The following PMFBP1 variants were observed in gnomAD, a reference collection of about 807,000 sequenced individuals.
PMFBP1 encodes polyamine modulated factor 1 binding protein 1, also known as polyamine-modulated factor 1-binding protein 1.
A neutral mutation model predicts 137.8 loss-of-function variants in PMFBP1; 131 were observed. The ratio of observed to expected loss-of-function variants is 0.95; its 90% CI spans 0.82 to 1.10. The LOEUF is 1.10. Ranked by LOEUF, PMFBP1 falls within the 50% of genes least tolerant of loss-of-function variation. PMFBP1 has a pLI of 0.00. For synonymous variants in PMFBP1, 490 were observed against 450.4 expected (o/e 1.09, Z -1.11); for missense variants, 1,199 against 1,175.4 (o/e 1.02, Z -0.29).
At chr16:72,117,722 A>G, downstream of PMFBP1, among the ~76,000 whole-genome samples, 1 of 132,516 alleles carries the variant, frequency 7.5e-6, no homozygotes, top group East Asian at 2.1e-4. Flanking sequence ...AAAATTCATA[A>G]AAGAGTGTTG....
intron 18 of PMFBP1, 136 bp downstream of exon 18, chr16:72,123,410 T>C (rs1007890505): frequency 5.5e-6 from 4 of 721,788 alleles, no homozygotes; most frequent in African/African-American, 1.8e-5. Flanking sequence ...CTTATTTCCA[T>C]CCCTTGGGTG....
the PMFBP1 span, among the ~76,000 whole-genome samples, chr16:72,221,784 C>T: frequency 2.6e-5 from 4 of 152,204 alleles, no homozygotes; most frequent in Non-Finnish European, 4.4e-5. Flanking sequence ...CCTGATGATA[C>T]TTCATATGTC....
chr16:72,163,797 T>C (rs2144497381), intron 3 of PMFBP1, among the ~76,000 whole-genome samples: 1 of 152,332 alleles, frequency 6.6e-6, no homozygotes, highest in East Asian at 1.9e-4. Flanking sequence ...TGGAGACTAT[T>C]ATTCCAAGTG....
the PMFBP1 span, among the ~76,000 whole-genome samples, chr16:72,207,302 G>A: frequency 6.6e-6 from 1 of 152,172 alleles, no homozygotes; most frequent in Admixed American, 6.5e-5. Context: ...GAAAGGAAAA[G>A]CCACAGGGCT....
At chr16:72,155,603 C>T (rs1028574458) in intron 3 of PMFBP1, among the ~76,000 whole-genome samples, 1 of 152,222 alleles carries the variant, frequency 6.6e-6, no homozygotes, top group Non-Finnish European at 1.5e-5. Context: ...ATCTCATTGG[C>T]TCCCGAGGGG....
At chr16:72,217,175 A>C in the PMFBP1 span, among the ~76,000 whole-genome samples, 14,342 of 152,252 alleles carry the variant, frequency 0.094, 765 homozygotes, top group Non-Finnish European at 0.12. Context: ...AGAAGAGGGA[A>C]GGGTATGCTG....
At chr16:72,144,780 T>C (rs1362256594) in intron 5 of PMFBP1, among the ~76,000 whole-genome samples, 3 of 152,030 alleles carry the variant, frequency 2.0e-5, no homozygotes, top group Non-Finnish European at 4.4e-5. Flanking sequence ...AAAATTAAAA[T>C]CTTCTGGCAT....
upstream of PMFBP1, among the ~76,000 whole-genome samples, chr16:72,180,055 A>G (rs569560260): frequency 6.6e-6 from 1 of 152,330 alleles, no homozygotes; most frequent in Non-Finnish European, 1.5e-5. Context: ...CTGCAGCTCC[A>G]GTTTCTACAG....
Position 72,171,284 on chromosome 16 carries a change from T to A in PMFBP1, c.-60-16A>T. On this transcript the variant is annotated splice_polypyrimidine_tract_variant and intron_variant, in intron 1 of 20. Coordinates refer to ENST00000237353, the MANE Select transcript of PMFBP1 (RefSeq NM_031293.3). ...TGTTATAAACCTGAAAAAGTCCAAG[T>A]ATTTAAGATGGAAAAAGTATAAATG... 6.7e-7 allele frequency: 1 copy of A among 1,500,078 alleles called. No individual in the cohort carries two copies. Among genetic ancestry groups the A allele is most frequent in the Admixed American group, 1.7e-5 (1 of 58,254 alleles). 92.9% of individuals were successfully genotyped at this position (1,500,078 alleles called of 1,614,324 possible).
intron 13 of PMFBP1, 111 bp from the exon 14 acceptor site, chr16:72,128,905 G>C: frequency 6.6e-7 from 1 of 1,522,180 alleles, no homozygotes; most frequent in Non-Finnish European, 8.9e-7. Context: ...CCCTGCGGGA[G>C]CTCAGGCATT....
chr16:72,181,925 T>C, the PMFBP1 span, among the ~76,000 whole-genome samples: 1 of 152,204 alleles, frequency 6.6e-6, no homozygotes. Context: ...AGAATTGTCT[T>C]GGGCCGCATG....
intron 9 of PMFBP1, among the ~76,000 whole-genome samples, chr16:72,135,675 G>A (rs1433174612): frequency 6.6e-6 from 1 of 150,752 alleles, no homozygotes; most frequent in Non-Finnish European, 1.5e-5. Flanking sequence ...TTCTTTTAGG[G>A]CACAGCTCCA....
At chr16:72,212,764 C>T in the PMFBP1 span, among the ~76,000 whole-genome samples, 4 of 152,150 alleles carry the variant, frequency 2.6e-5, no homozygotes, top group South Asian at 6.2e-4. Flanking sequence ...AGCCTTAACT[C>T]GATTACATCA....
At chr16:72,184,194 C>T in the PMFBP1 span, among the ~76,000 whole-genome samples, 35 of 152,274 alleles carry the variant, frequency 2.3e-4, no homozygotes, top group Admixed American at 1.2e-3. Flanking sequence ...TTGTCCTCCC[C>T]ATTCTCACTC....
chr16:72,215,125 C>A, the PMFBP1 span, among the ~76,000 whole-genome samples: 5,231 of 152,056 alleles, frequency 0.034, 292 homozygotes, highest in African/African-American at 0.12. Flanking sequence ...TGAGAAATCC[C>A]AGAATGAAAC....
At chr16:72,225,126 T>G in the PMFBP1 span, 1 of 152,186 alleles carries the variant, frequency 6.6e-6, no homozygotes, top group Non-Finnish European at 1.5e-5. Context: ...TGTTCTTTGC[T>G]CCACCATACT....
chr16:72,185,665 A>C, the PMFBP1 span, among the ~76,000 whole-genome samples: 1 of 152,320 alleles, frequency 6.6e-6, no homozygotes, highest in South Asian at 2.1e-4. Context: ...TCTAGACTGC[A>C]AACTCCATAG....
chr16:72,148,027 A>G (rs2042838953), intron 5 of PMFBP1, among the ~76,000 whole-genome samples: 1 of 152,162 alleles, frequency 6.6e-6, no homozygotes, highest in South Asian at 2.1e-4. Context: ...CTGGGTATAT[A>G]CCCAAAGGAT....
Position 72,128,800 on chromosome 16 carries a change from C to T in PMFBP1, c.1951-6G>A, listed in dbSNP as rs1231946527. 9 of 1,614,050 alleles carry T rather than the reference C, an allele frequency of 5.6e-6. No individual in the cohort carries two copies. The South Asian group carries it at 9.9e-5, about 18-fold the overall frequency. On this transcript the variant is annotated splice_polypyrimidine_tract_variant and splice_region_variant and intron_variant, in intron 13 of 20. Transcript: ENST00000237353. ...TTTCTGGAATTCTCTTTCAACTGTT[C>T]CCTCATTAAAGAACAAAGCACAGCA...
Sources: allele counts gnomAD v4.1 joint callset (sites outside exome capture counted in the v4.1 genomes callset), GRCh38; gene constraint gnomAD v4.1.1; transcripts MANE v1.5; gene names NCBI Gene and HGNC (gene_info 2026-07-23, HGNC 2026-07-21).